The following CTIF variants were observed in gnomAD, a reference collection of about 807,000 sequenced individuals.
The protein encoded by CTIF is CBP80/20-dependent translation initiation factor.
A neutral mutation model predicts 66.0 loss-of-function variants in CTIF; 21 were observed. The observed-to-expected ratio is 0.32, with a 90% confidence interval of 0.23 to 0.46. The LOEUF is 0.46. Among genes scored for constraint, CTIF ranks in the 20% least tolerant of loss-of-function variants. The pLI is 1.00. For missense variants in CTIF, 739 were observed against 812.7 expected (o/e 0.91, Z 1.10); for synonymous variants, 345 against 326.4 (o/e 1.06, Z -0.62).
At chr18:48,773,642 G>T (rs2145984282) in intron 9 of CTIF, among the ~76,000 whole-genome samples, 1 of 152,324 alleles carries the variant, frequency 6.6e-6, no homozygotes, top group Non-Finnish European at 1.5e-5. Flanking sequence ...CTTCCCCAGG[G>T]GTACATAGCC....
At chr18:48,628,627 T>C (rs1177714959) in intron 2 of CTIF, among the ~76,000 whole-genome samples, 1 of 152,058 alleles carries the variant, frequency 6.6e-6, no homozygotes, top group East Asian at 1.9e-4. Flanking sequence ...CCTATTATTA[T>C]TACAGATGGG....
chr18:48,840,544 T>C (rs2068915673), intron 10 of CTIF, among the ~76,000 whole-genome samples: 1 of 152,224 alleles, frequency 6.6e-6, no homozygotes, highest in South Asian at 2.1e-4. Flanking sequence ...ACTTCTCTTA[T>C]CTCCGAGTCT....
chr18:48,730,229 AGTGTGAGGGGCCTCCGCG>A lies in CTIF; in HGVS notation c.584+18547_584+18564del, dbSNP rs1329445908. 3.1e-4 allele frequency among the ~76,000 whole-genome samples: 33 copies of A among 107,548 alleles called. 1 individual carries two copies. In the East Asian group the frequency reaches 3.4e-3, roughly 11 times the overall value. 70.6% of individuals were successfully genotyped at this position (107,548 alleles called of 152,430 possible). A position where few individuals can be genotyped will look rare whatever the true frequency, so the allele number is the denominator to read the frequency against. On this transcript the variant is annotated intron_variant, in intron 7 of 11. Coordinates refer to ENST00000256413, the MANE Select transcript of CTIF (RefSeq NM_014772.3). Reference sequence around the variant, plus strand: ...CTCCTGTGGTGTGAGGAGCCCCCGAAGTGTGAGGGGCCTCCGCGGTGTGAGGGGCCCCCGCAGTGTGAG... The same window carrying A: ...CTCCTGTGGTGTGAGGAGCCCCCGAAGTGTGAGGGGCCCCCGCAGTGTGAG...
At chr18:48,630,016 C>T (rs2090673782) in intron 2 of CTIF, among the ~76,000 whole-genome samples, 1 of 152,120 alleles carries the variant, frequency 6.6e-6, no homozygotes, top group East Asian at 1.9e-4. Flanking sequence ...AACTACAGTC[C>T]AAAAATGTCA....
chr18:48,775,258 A>G (rs1910562027), intron 9 of CTIF, among the ~76,000 whole-genome samples: 1 of 152,222 alleles, frequency 6.6e-6, no homozygotes, highest in African/African-American at 2.4e-5. Context: ...TGACATTATC[A>G]TTGTTAAAAT....
At chr18:48,752,352 G>A (rs759874013) in intron 7 of CTIF, among the ~76,000 whole-genome samples, 3 of 152,200 alleles carry the variant, frequency 2.0e-5, no homozygotes, top group Non-Finnish European at 4.4e-5. Context: ...CCGCCATCAT[G>A]ATAATGATGG....
rs182336259 is a variant in CTIF, at chr18:48,833,763, C to T, written c.1527+16387C>T. Among the ~76,000 whole-genome samples, 539 of 152,296 alleles carry T rather than the reference C, an allele frequency of 3.5e-3. 9 individuals carry two copies. The highest frequency in any genetic ancestry group is 0.031 in the South Asian group (148 of 4,816). On this transcript the variant is annotated intron_variant, in intron 10 of 11. Transcript: ENST00000256413. ...TGCTTAAAAGCTTACCTAGAACCCC[C>T]GAAGCCTGGCCTCTGGATGGGGGGC...
At chr18:48,552,622 C>T (rs1456037144) in intron 1 of CTIF, among the ~76,000 whole-genome samples, 1 of 152,186 alleles carries the variant, frequency 6.6e-6, no homozygotes, top group Non-Finnish European at 1.5e-5. Context: ...GCTCTGCCCT[C>T]ATGACCTAAT....
chr18:48,695,815 TG>T (rs1319324999), intron 6 of CTIF, among the ~76,000 whole-genome samples: 5 of 152,358 alleles, frequency 3.3e-5, no homozygotes, highest in South Asian at 4.1e-4. Context: ...AAACTGGCAT[TG>T]CTCAGTCAGG....
At position 48,859,962 on chromosome 18, in the gene CTIF, TCGGAAGGCTGAAAAAG is replaced by T. The variant is rs1034632037; in HGVS notation, c.*404_*419del. 4.3e-5 allele frequency: 20 copies of T among 469,064 alleles called. No homozygotes were observed. Among genetic ancestry groups the T allele is most frequent in the African/African-American group, 3.7e-4 (19 of 50,716 alleles). The allele number at this position is 469,064 out of a possible 1,614,324, so 29.1% of individuals were successfully genotyped here. On this transcript the variant is annotated 3_prime_UTR_variant, in exon 12 of 12. Transcript: ENST00000256413. ...GGCACCGCTTGGGTCAGAAAGGACC[TCGGAAGGCTGAAAAAG>T]TGGGTCGGAGACGGGCTCGCATTGT...
intron 3 of CTIF, among the ~76,000 whole-genome samples, chr18:48,638,472 G>A (rs1190861110): frequency 1.3e-5 from 2 of 152,118 alleles, no homozygotes; most frequent in Non-Finnish European, 2.9e-5. Context: ...CAGGGGTTCA[G>A]GAAGTGTTCT....
intron 6 of CTIF, among the ~76,000 whole-genome samples, chr18:48,703,767 C>T (rs1029115341): frequency 6.6e-6 from 1 of 152,128 alleles, no homozygotes; most frequent in Non-Finnish European, 1.5e-5. Flanking sequence ...TCCCCCTCCA[C>T]CACCACCACC....
rs141510796 is a variant in CTIF at position 48,790,566 on chromosome 18, A to G, written c.1372-26655A>G. 3.5e-3 allele frequency among the ~76,000 whole-genome samples: 528 copies of G among 152,222 alleles called. 5 individuals are homozygous for G. Among genetic ancestry groups the G allele is most frequent in the African/African-American group, 7.7e-3 (321 of 41,532 alleles). The stretch of plus-strand genomic sequence containing the variant: ...GACACACGTACCCCACCAGGCCTGG[A>G]GACATTTCCTGAAAGACTAAGAAAG... On this transcript the variant is annotated intron_variant, in intron 9 of 11. Transcript: ENST00000256413.
At chr18:48,557,689 C>T (rs1431790928) in intron 1 of CTIF, among the ~76,000 whole-genome samples, 1 of 152,242 alleles carries the variant, frequency 6.6e-6, no homozygotes, top group Non-Finnish European at 1.5e-5. Context: ...AAACAACAGA[C>T]ATTTTATTTC....
intron 6 of CTIF, among the ~76,000 whole-genome samples, chr18:48,698,087 G>C (rs886980319): frequency 1.1e-5 from 1 of 91,958 alleles, no homozygotes; most frequent in African/African-American, 4.0e-5. Context: ...CAACTCAGTG[G>C]AAAATGTAGC....
At chr18:48,744,616 T>C (rs1334827685) in intron 7 of CTIF, among the ~76,000 whole-genome samples, 3 of 152,226 alleles carry the variant, frequency 2.0e-5, no homozygotes, top group East Asian at 3.8e-4. Context: ...CTGCTAAATA[T>C]TTCACAGTGT....
chr18:48,589,453 G>C (rs2089842525), intron 1 of CTIF, among the ~76,000 whole-genome samples: 1 of 152,138 alleles, frequency 6.6e-6, no homozygotes, highest in Non-Finnish European at 1.5e-5. Flanking sequence ...CCTGGATTAG[G>C]GTTCCAGTAT....
At chr18:48,787,545 C>T (rs1435685035) in intron 9 of CTIF, among the ~76,000 whole-genome samples, 1 of 152,164 alleles carries the variant, frequency 6.6e-6, no homozygotes, top group African/African-American at 2.4e-5. Flanking sequence ...GCCTTGGATA[C>T]AATTGCCCCC....
chr18:48,723,089 G>A (rs768671810), intron 7 of CTIF, among the ~76,000 whole-genome samples: 7 of 152,164 alleles, frequency 4.6e-5, no homozygotes, highest in East Asian at 1.9e-4. Context: ...AAAGTGAAGC[G>A]ACACAAGCAG....
Sources: gnomAD v4.1 joint callset for allele counts (sites outside exome capture counted in the v4.1 genomes callset) on GRCh38, gnomAD v4.1.1 for gene constraint, MANE v1.5 for transcripts, NCBI Gene and HGNC (gene_info 2026-07-23, HGNC 2026-07-21) for gene names.